CDK14: variants seen among roughly 807,000 people sequenced by gnomAD.
CDK14 encodes the protein cyclin-dependent kinase 14.
In CDK14, 34 loss-of-function variants were observed where a neutral mutation model predicts 60.7. That is an observed-to-expected ratio of 0.56 (90% CI 0.43 to 0.75). CDK14 has a LOEUF of 0.75. Ranked by LOEUF, CDK14 falls within the 30% of genes least tolerant of loss-of-function variation. The probability of loss-of-function intolerance (pLI) is 0.00; values close to 1 mark genes in which losing one functional copy is unlikely to be tolerated. For missense variants in CDK14, 482 were observed against 564.1 expected, an observed-to-expected ratio of 0.85 and a Z score of 1.47; for synonymous variants, 197 against 203.7, an observed-to-expected ratio of 0.97 and a Z score of 0.28.
At chr7:90,658,829 G>T (rs577758530) in intron 2 of CDK14, among the ~76,000 whole-genome samples, 2 of 152,116 alleles carry the variant, frequency 1.3e-5, no homozygotes, top group Non-Finnish European at 2.9e-5. Flanking sequence ...GAGTGTAATT[G>T]ATGTGTCATA....
chr7:90,788,653 A>T (rs907346907), intron 4 of CDK14, among the ~76,000 whole-genome samples: 1 of 152,216 alleles, frequency 6.6e-6, no homozygotes, highest in African/African-American at 2.4e-5. Context: ...AAATGCCACT[A>T]GGATGGTTCA....
Position 90,792,810 on chromosome 7 carries a change from C to T in CDK14, c.544+2158C>T, listed in dbSNP as rs1042878404. On this transcript the variant is annotated intron_variant, in intron 5 of 14. Transcript: ENST00000380050. Reference sequence around the variant, plus strand: ...ACTAAAATCATATTATGTCAATCCCCTTATTTAAAATTGCTTCAAGTCCTA... The same window carrying T: ...ACTAAAATCATATTATGTCAATCCCTTTATTTAAAATTGCTTCAAGTCCTA... Among the ~76,000 whole-genome samples the T allele has an allele frequency of 2.7e-5, 4 of 150,210 alleles. No homozygotes were observed. In the East Asian group the frequency reaches 8.1e-4, roughly 30 times the overall value.
intron 2 of CDK14, among the ~76,000 whole-genome samples, chr7:90,678,928 G>A (rs551767467): frequency 9.2e-5 from 14 of 152,162 alleles, no homozygotes; most frequent in Non-Finnish European, 1.9e-4. Context: ...GAGTTGCAAA[G>A]AGAGTTGGAA....
chr7:91,167,340 C>A (rs1460357611), intron 14 of CDK14, among the ~76,000 whole-genome samples: 1 of 152,134 alleles, frequency 6.6e-6, no homozygotes, highest in Non-Finnish European at 1.5e-5. Flanking sequence ...TATTATATGA[C>A]GTCTTTTCTG....
At chr7:91,191,925 A>G (rs752251635) in intron 14 of CDK14, among the ~76,000 whole-genome samples, 4 of 152,116 alleles carry the variant, frequency 2.6e-5, no homozygotes, top group Non-Finnish European at 5.9e-5. Flanking sequence ...CAGCAAGCAG[A>G]TCAGCGGTAG....
At chr7:91,101,932 A>AG (rs950240764) in intron 12 of CDK14, among the ~76,000 whole-genome samples, 2 of 152,200 alleles carry the variant, frequency 1.3e-5, no homozygotes, top group African/African-American at 4.8e-5. Context: ...CTTTGATAAG[A>AG]GGGGGTTACA....
chr7:90,716,466 G>A (rs1366463888), intron 2 of CDK14: 1 of 152,004 alleles, frequency 6.6e-6, no homozygotes, highest in East Asian at 1.9e-4. Context: ...TGTTTTTATA[G>A]ATATGATGGC....
intron 2 of CDK14, among the ~76,000 whole-genome samples, chr7:90,685,275 T>C (rs1371751715): frequency 1.3e-5 from 2 of 152,156 alleles, no homozygotes; most frequent in Non-Finnish European, 2.9e-5. Context: ...AAATTATTCT[T>C]AATATATGCT....
chr7:90,767,901 G>A (rs1346472717), intron 4 of CDK14, among the ~76,000 whole-genome samples: 3 of 152,262 alleles, frequency 2.0e-5, no homozygotes, highest in Admixed American at 1.3e-4. Context: ...TTGAGTTGGG[G>A]AGACATTGAT....
intron 5 of CDK14, among the ~76,000 whole-genome samples, chr7:90,799,891 A>G (rs553790451): frequency 6.6e-6 from 1 of 152,250 alleles, no homozygotes; most frequent in South Asian, 2.1e-4. Context: ...GACATGGGAA[A>G]AAATTTATTT....
chr7:90,663,657 C>A (rs1264455983), intron 2 of CDK14, among the ~76,000 whole-genome samples: 1 of 152,192 alleles, frequency 6.6e-6, no homozygotes, highest in African/African-American at 2.4e-5. Context: ...AACCTTCAGT[C>A]ACCTTTGGTT....
intron 14 of CDK14, among the ~76,000 whole-genome samples, chr7:91,176,209 A>G (rs1332950438): frequency 2.0e-5 from 3 of 152,152 alleles, no homozygotes; most frequent in African/African-American, 4.8e-5. Flanking sequence ...CTGAATGACT[A>G]CTGGGTACAT....
intron 5 of CDK14, among the ~76,000 whole-genome samples, chr7:90,819,218 A>G (rs1789458952): frequency 6.6e-6 from 1 of 152,182 alleles, no homozygotes. Context: ...ACAGTCAAGA[A>G]CTGAGATTTT....
intron 12 of CDK14, among the ~76,000 whole-genome samples, chr7:91,083,217 A>T (rs182322593): frequency 4.6e-5 from 7 of 152,168 alleles, no homozygotes; most frequent in South Asian, 2.1e-4. Flanking sequence ...CAAAGAAATT[A>T]TTCTATACAT....
intron 9 of CDK14, among the ~76,000 whole-genome samples, chr7:90,980,578 G>A (rs1256609517): frequency 6.6e-6 from 1 of 152,112 alleles, no homozygotes; most frequent in Non-Finnish European, 1.5e-5. Flanking sequence ...AGGCAGTCCA[G>A]TAATAAGGAA....
intron 12 of CDK14, among the ~76,000 whole-genome samples, chr7:91,091,953 A>G (rs1056682206): frequency 3.9e-5 from 6 of 152,064 alleles, no homozygotes; most frequent in African/African-American, 1.4e-4. Flanking sequence ...GATTCATGTT[A>G]GAGATATACC....
At chr7:90,609,505 G>C (rs1230462455) in intron 2 of CDK14, among the ~76,000 whole-genome samples, 1 of 152,126 alleles carries the variant, frequency 6.6e-6, no homozygotes. Context: ...GGGAATTCTT[G>C]TGAGAGCTGG....
intron 7 of CDK14, among the ~76,000 whole-genome samples, chr7:90,916,646 G>T (rs1793093060): frequency 6.6e-6 from 1 of 152,146 alleles, no homozygotes; most frequent in Admixed American, 6.5e-5. Context: ...TTACTAACTG[G>T]TTATATAGAC....
chr7:91,040,943 T>C (rs1367141945), intron 10 of CDK14, among the ~76,000 whole-genome samples: 2 of 152,232 alleles, frequency 1.3e-5, no homozygotes, highest in Non-Finnish European at 2.9e-5. Flanking sequence ...TACTCTGAGC[T>C]CTAGAAGTTT....
Sources: allele counts gnomAD v4.1 joint callset (sites outside exome capture counted in the v4.1 genomes callset), GRCh38; gene constraint gnomAD v4.1.1; transcripts MANE v1.5; gene names NCBI Gene and HGNC (gene_info 2026-07-23, HGNC 2026-07-21).